Variants in SLC4A4 observed in about 807,000 individuals in gnomAD.
SLC4A4 encodes the protein solute carrier family 4 member 4.
Under a neutral mutation model 111.5 loss-of-function variants are expected in SLC4A4, and 27 were observed. That is an observed-to-expected ratio of 0.24 (90% CI 0.18 to 0.33). SLC4A4 has a LOEUF of 0.33. Among genes scored for constraint, SLC4A4 ranks in the 10% least tolerant of loss-of-function variants. SLC4A4 has a pLI of 1.00. For missense variants in SLC4A4, 909 were observed against 1,315.5 expected (o/e 0.69, Z 4.78); for synonymous variants, 443 against 463.4 (o/e 0.96, Z 0.57).
rs1727316777 is a variant in SLC4A4, at chr4:71,466,395, G to A, written c.1498-49G>A. The stretch of plus-strand genomic sequence containing the variant: ...ATTTGCCTAGTGACATCACAAATGA[G>A]AAGAAAAAAGATGTGTTTCATTTAA... On this transcript the variant is annotated intron_variant, in intron 12 of 25. Coordinates refer to ENST00000264485, the MANE Select transcript of SLC4A4 (RefSeq NM_001098484.3). 3 of 1,609,422 alleles carry A rather than the reference G, an allele frequency of 1.9e-6. No individual in the cohort carries two copies. In the African/African-American group the frequency reaches 4.0e-5, roughly 22 times the overall value.
At chr4:71,329,154 C>T (rs1034378377) in intron 3 of SLC4A4, among the ~76,000 whole-genome samples, 1 of 151,934 alleles carries the variant, frequency 6.6e-6, no homozygotes, top group Non-Finnish European at 1.5e-5. Context: ...TCTGGGTTCT[C>T]TATTTATTCT....
intron 1 of SLC4A4, among the ~76,000 whole-genome samples, chr4:71,076,634 A>C (rs1741837523): frequency 6.6e-6 from 1 of 152,024 alleles, no homozygotes; most frequent in African/African-American, 2.4e-5. Flanking sequence ...GGCAGTTGGG[A>C]ATGTATTTCT....
chr4:71,525,504 C>A (rs1216159595), intron 16 of SLC4A4, among the ~76,000 whole-genome samples: 1 of 152,102 alleles, frequency 6.6e-6, no homozygotes, highest in African/African-American at 2.4e-5. Context: ...TTTTTCATGG[C>A]AAGCTCTTGC....
intron 1 of SLC4A4, among the ~76,000 whole-genome samples, chr4:71,222,638 T>G (rs1240653180): frequency 6.6e-6 from 1 of 152,126 alleles, no homozygotes; most frequent in African/African-American, 2.4e-5. Flanking sequence ...CACTGAGAGA[T>G]TTCTTGGGAA....
chr4:71,223,385 A>G (rs896246277), intron 1 of SLC4A4, among the ~76,000 whole-genome samples: 1 of 151,618 alleles, frequency 6.6e-6, no homozygotes, highest in African/African-American at 2.4e-5. Flanking sequence ...CCGTGGTCTC[A>G]ATTTCCTGAC....
intron 3 of SLC4A4, among the ~76,000 whole-genome samples, chr4:71,298,499 A>G (rs1426613118): frequency 2.0e-5 from 3 of 152,212 alleles, no homozygotes; most frequent in Non-Finnish European, 4.4e-5. Context: ...AAATTTATCA[A>G]TTTTTAAAAG....
At chr4:71,477,439 C>A (rs898010983) in intron 14 of SLC4A4, among the ~76,000 whole-genome samples, 3 of 151,726 alleles carry the variant, frequency 2.0e-5, no homozygotes, top group African/African-American at 7.2e-5. Context: ...GCTTCTACTG[C>A]AAGTCTGCCT....
At chr4:71,100,932 A>G (rs1254882682) in intron 2 of SLC4A4, among the ~76,000 whole-genome samples, 1 of 152,218 alleles carries the variant, frequency 6.6e-6, no homozygotes, top group African/African-American at 2.4e-5. Context: ...ACACTGCTCA[A>G]AGAAATCAGA....
At chr4:71,502,901 G>A (rs1248829363) in intron 16 of SLC4A4, among the ~76,000 whole-genome samples, 2 of 152,102 alleles carry the variant, frequency 1.3e-5, no homozygotes, top group Non-Finnish European at 2.9e-5. Flanking sequence ...CTGTATAGAT[G>A]ATCTGTCCAT....
At chr4:71,509,096 G>A (rs186905840) in intron 16 of SLC4A4, among the ~76,000 whole-genome samples, 42 of 152,274 alleles carry the variant, frequency 2.8e-4, no homozygotes, top group African/African-American at 9.9e-4. Context: ...ATTAAAGGAA[G>A]ATACCTCAAA....
At chr4:71,073,726 G>T (rs964520835) in intron 1 of SLC4A4, among the ~76,000 whole-genome samples, 1 of 152,004 alleles carries the variant, frequency 6.6e-6, no homozygotes, top group Admixed American at 6.6e-5. Context: ...CCAGCACCTA[G>T]AACAGTACCT....
chr4:71,100,599 C>G (rs998019429), intron 2 of SLC4A4, among the ~76,000 whole-genome samples: 1 of 152,080 alleles, frequency 6.6e-6, no homozygotes, highest in Non-Finnish European at 1.5e-5. Context: ...CTGCCCAGAG[C>G]AGTCAGACAA....
intron 2 of SLC4A4, among the ~76,000 whole-genome samples, chr4:71,113,008 A>G (rs530201259): frequency 1.3e-5 from 2 of 152,258 alleles, no homozygotes; most frequent in African/African-American, 4.8e-5. Flanking sequence ...TTGATCTTGA[A>G]GAGTAGATTG....
intron 2 of SLC4A4, among the ~76,000 whole-genome samples, chr4:71,105,694 G>A (rs1345821088): frequency 7.6e-6 from 1 of 132,290 alleles, no homozygotes; most frequent in African/African-American, 3.0e-5. Context: ...TTTAATAAAT[G>A]GTGCTGGGAA....
At chr4:71,100,970 C>T (rs192244316) in intron 2 of SLC4A4, among the ~76,000 whole-genome samples, 29 of 152,282 alleles carry the variant, frequency 1.9e-4, no homozygotes, top group Admixed American at 1.3e-3. Flanking sequence ...GAAAAACATG[C>T]CATGCTCGGC....
intron 2 of SLC4A4, among the ~76,000 whole-genome samples, chr4:71,112,639 G>C (rs1003801943): frequency 6.6e-6 from 1 of 152,060 alleles, no homozygotes; most frequent in African/African-American, 2.4e-5. Context: ...GTCAGTCTTG[G>C]GTCCCAAACA....
At chr4:71,165,623 C>T (rs1744723356) in intron 2 of SLC4A4, among the ~76,000 whole-genome samples, 1 of 152,020 alleles carries the variant, frequency 6.6e-6, no homozygotes, top group Non-Finnish European at 1.5e-5. Flanking sequence ...TTGACAGGTG[C>T]AGCAAACCAC....
intron 16 of SLC4A4, among the ~76,000 whole-genome samples, chr4:71,514,732 T>G (rs1732226269): frequency 6.6e-6 from 1 of 152,194 alleles, no homozygotes; most frequent in Non-Finnish European, 1.5e-5. Context: ...TTGGCATGTT[T>G]CCAGGAATTT....
At chr4:71,346,644 G>T (rs1729357998) in intron 4 of SLC4A4, among the ~76,000 whole-genome samples, 1 of 151,842 alleles carries the variant, frequency 6.6e-6, no homozygotes, top group Admixed American at 6.6e-5. Flanking sequence ...GCTCTGATTT[G>T]AACTGAGTAG....
Sources: gnomAD v4.1 joint callset for allele counts (sites outside exome capture counted in the v4.1 genomes callset) on GRCh38, gnomAD v4.1.1 for gene constraint, MANE v1.5 for transcripts, NCBI Gene and HGNC (gene_info 2026-07-23, HGNC 2026-07-21) for gene names.